The following SPMIP9 variants were observed in gnomAD, a reference collection of about 807,000 sequenced individuals.
SPMIP9 encodes the protein sperm microtubule inner protein 9, also known as protein SPMIP9.
the SPMIP9 span, chr2:88,525,778 A>C: frequency 8.7e-7 from 1 of 1,149,736 alleles, no homozygotes; most frequent in Non-Finnish European, 1.3e-6. Context: ...TTCTGTAATG[A>C]TAGTTTTGGG....
chr2:88,528,991 A>G, the SPMIP9 span: 7 of 1,533,794 alleles, frequency 4.6e-6, no homozygotes, highest in Non-Finnish European at 6.2e-6. Context: ...TGCTTCCAAG[A>G]AAAGCTACAT....
chr2:88,525,524 G>A, the SPMIP9 span: 2 of 1,084,372 alleles, frequency 1.8e-6, no homozygotes, highest in Non-Finnish European at 2.9e-6. Context: ...AAGATGGGGA[G>A]GAGTGGGCTA....
chr2:88,526,546 C>A, the SPMIP9 span: 4 of 1,398,176 alleles, frequency 2.9e-6, no homozygotes, highest in Admixed American at 1.7e-5. Context: ...CTACTGAAAT[C>A]CTCTCTGTTG....
chr2:88,524,998 A>G, the SPMIP9 span, among the ~76,000 whole-genome samples: 6 of 152,268 alleles, frequency 3.9e-5, no homozygotes, highest in East Asian at 7.8e-4. Flanking sequence ...TGTTAGGCCT[A>G]CAAACTACTG....
the SPMIP9 span, chr2:88,526,320 C>G: frequency 8.9e-7 from 1 of 1,118,570 alleles, no homozygotes; most frequent in Non-Finnish European, 1.4e-6. Flanking sequence ...GGCCTTTGTC[C>G]TACAAACAGC....
At chr2:88,526,414 G>A in the SPMIP9 span, 3 of 1,613,438 alleles carry the variant, frequency 1.9e-6, no homozygotes, top group Non-Finnish European at 2.5e-6. Context: ...GGACCCTGTG[G>A]ATTTAGACAT....
chr2:88,526,908 C>G, the SPMIP9 span, among the ~76,000 whole-genome samples: 6 of 152,102 alleles, frequency 3.9e-5, no homozygotes, highest in Non-Finnish European at 8.8e-5. Context: ...CCTCGTGATC[C>G]ACCTGCCTCG....
chr2:88,526,310 G>C, the SPMIP9 span: 1 of 954,100 alleles, frequency 1.0e-6, no homozygotes, highest in African/African-American at 1.6e-5. Context: ...CCCCAAAGTC[G>C]GCCTTTGTCC....
At chr2:88,525,117 A>G in the SPMIP9 span, among the ~76,000 whole-genome samples, 3 of 152,152 alleles carry the variant, frequency 2.0e-5, no homozygotes, top group Non-Finnish European at 4.4e-5. Flanking sequence ...ATCCAGGGGA[A>G]GTGCTGAGGC....
chr2:88,526,015 T>C, the SPMIP9 span, among the ~76,000 whole-genome samples: 8 of 151,966 alleles, frequency 5.3e-5, no homozygotes, highest in African/African-American at 1.5e-4. Context: ...AGTGCTGTTG[T>C]GGAGGGTTGT....
the SPMIP9 span, chr2:88,526,379 T>G: frequency 6.4e-7 from 1 of 1,563,856 alleles, no homozygotes; most frequent in Non-Finnish European, 8.8e-7. Context: ...GGGAATCTCT[T>G]GTTTTATATT....
chr2:88,526,348 C>A, the SPMIP9 span: 1 of 1,386,198 alleles, frequency 7.2e-7, no homozygotes, highest in Non-Finnish European at 1.0e-6. Context: ...CATTGAATGG[C>A]TTTAAGTGGA....
chr2:88,528,765 A>G, the SPMIP9 span, among the ~76,000 whole-genome samples: 1 of 152,234 alleles, frequency 6.6e-6, no homozygotes, highest in Non-Finnish European at 1.5e-5. Flanking sequence ...ACATGTTTAT[A>G]TGCACATCAA....
chr2:88,526,541 GA>G, the SPMIP9 span: 1 of 1,442,446 alleles, frequency 6.9e-7, no homozygotes, highest in African/African-American at 1.4e-5. Flanking sequence ...ACTGCCTACT[GA>G]AATCCTCTCT....
chr2:88,526,235 G>A, the SPMIP9 span, among the ~76,000 whole-genome samples: 4 of 152,188 alleles, frequency 2.6e-5, no homozygotes, highest in African/African-American at 9.7e-5. Flanking sequence ...GAGTAGAGAA[G>A]GCAGGAAGGT....
At chr2:88,528,080 TTCTTG>T in the SPMIP9 span, among the ~76,000 whole-genome samples, 1 of 152,154 alleles carries the variant, frequency 6.6e-6, no homozygotes, top group Non-Finnish European at 1.5e-5. Context: ...TCTACTGGGT[TTCTTG>T]TCTTTTTCTT....
At chr2:88,529,324 CT>C in the SPMIP9 span, 1 of 1,614,178 alleles carries the variant, frequency 6.2e-7, no homozygotes, top group African/African-American at 1.3e-5. Context: ...AGAGTGCTGA[CT>C]TTCCGTGCCT....
At chr2:88,526,237 C>T in the SPMIP9 span, among the ~76,000 whole-genome samples, 1 of 152,056 alleles carries the variant, frequency 6.6e-6, no homozygotes, top group Non-Finnish European at 1.5e-5. Flanking sequence ...GTAGAGAAGG[C>T]AGGAAGGTGG....
the SPMIP9 span, chr2:88,526,424 T>C: frequency 1.2e-6 from 2 of 1,613,916 alleles, no homozygotes; most frequent in Admixed American, 1.7e-5. Context: ...GATTTAGACA[T>C]ATACCAAAGC....
Sources: allele counts gnomAD v4.1 joint callset (sites outside exome capture counted in the v4.1 genomes callset), GRCh38; gene constraint gnomAD v4.1.1; transcripts MANE v1.5; gene names NCBI Gene and HGNC (gene_info 2026-07-23, HGNC 2026-07-21).